Variants in CATSPERB observed in about 807,000 individuals in gnomAD.
CATSPERB encodes cation channel sperm-associated auxiliary subunit beta.
In CATSPERB, 93 loss-of-function variants were observed where a neutral mutation model predicts 128.3. The observed-to-expected ratio is 0.72, with a 90% CI of 0.61 to 0.86. CATSPERB has a LOEUF of 0.86. Ranked by LOEUF, CATSPERB falls within the 40% of genes least tolerant of loss-of-function variation. CATSPERB has a pLI of 0.00. For missense variants in CATSPERB, 1,153 were observed against 1,329.5 expected (o/e 0.87, Z 2.06); for synonymous variants, 381 against 448.8 (o/e 0.85, Z 1.91).
intron 1 of CATSPERB, among the ~76,000 whole-genome samples, chr14:91,731,299 T>G (rs188556876): frequency 1.5e-4 from 23 of 152,348 alleles, no homozygotes; most frequent in African/African-American, 5.3e-4. Context: ...TTTAATTCTT[T>G]GGGGCATAGT....
intron 7 of CATSPERB, among the ~76,000 whole-genome samples, chr14:91,698,741 T>A (rs1895601248): frequency 6.6e-6 from 1 of 152,184 alleles, no homozygotes; most frequent in Non-Finnish European, 1.5e-5. Flanking sequence ...GTACAAGTAG[T>A]TTTTTGTTAC....
intron 7 of CATSPERB, 132 bp downstream of exon 7, chr14:91,704,420 T>C (rs1895702520): frequency 5.8e-6 from 5 of 868,440 alleles, no homozygotes; most frequent in Non-Finnish European, 6.9e-6. Flanking sequence ...TATTGAATAA[T>C]AAATTTTTAG....
At chr14:91,617,038 C>G (rs550027929) in intron 20 of CATSPERB, among the ~76,000 whole-genome samples, 565 of 152,264 alleles carry the variant, frequency 3.7e-3, no homozygotes, top group Non-Finnish European at 6.0e-3. Flanking sequence ...AGCCACCACA[C>G]CCAGCCCATA....
At chr14:91,598,129 A>G (rs943252525) in intron 22 of CATSPERB, among the ~76,000 whole-genome samples, 10 of 151,978 alleles carry the variant, frequency 6.6e-5, no homozygotes, top group African/African-American at 2.2e-4. Flanking sequence ...AATTTACCAC[A>G]GAAGATTCTT....
chr14:91,729,595 A>T, intron 1 of CATSPERB, 116 bp from the exon 2 acceptor site: 1 of 519,154 alleles, frequency 1.9e-6, no homozygotes, highest in Non-Finnish European at 3.4e-6. Context: ...TTAATATTTC[A>T]CACTGTGTGA....
chr14:91,607,874 A>G (rs1704648), intron 22 of CATSPERB, among the ~76,000 whole-genome samples: 99,085 of 151,722 alleles, frequency 0.65, 33,003 homozygotes, highest in Admixed American at 0.76. Flanking sequence ...CCACCTTTAG[A>G]GAGGCAGGGT....
At chr14:91,667,170 C>A (rs1894999050) in intron 14 of CATSPERB, among the ~76,000 whole-genome samples, 1 of 152,220 alleles carries the variant, frequency 6.6e-6, no homozygotes, top group East Asian at 1.9e-4. Context: ...CATGCCCATG[C>A]TGCAATATGG....
At chr14:91,602,228 C>T (rs1251680200) in intron 22 of CATSPERB, among the ~76,000 whole-genome samples, 1 of 152,144 alleles carries the variant, frequency 6.6e-6, no homozygotes, top group Non-Finnish European at 1.5e-5. Context: ...TTTTCCATCA[C>T]AAAACCTCTA....
chr14:91,683,967 C>A, intron 10 of CATSPERB, 24 bp from the exon 11 acceptor site: 1 of 1,478,950 alleles, frequency 6.8e-7, no homozygotes. Flanking sequence ...TAAAATATCA[C>A]TTAGCCAATA....
At chr14:91,629,941 C>T (rs920256358) in intron 17 of CATSPERB, among the ~76,000 whole-genome samples, 1 of 152,112 alleles carries the variant, frequency 6.6e-6, no homozygotes, top group African/African-American at 2.4e-5. Context: ...GGAGAAAACA[C>T]TGCAAAAAGA....
chr14:91,712,896 C>G (rs777759912), intron 5 of CATSPERB, among the ~76,000 whole-genome samples: 1 of 152,178 alleles, frequency 6.6e-6, no homozygotes, highest in Admixed American at 6.5e-5. Context: ...AGAAAACCTA[C>G]GCAGACATGG....
chr14:91,653,214 T>C (rs956177196), intron 15 of CATSPERB, among the ~76,000 whole-genome samples: 2 of 152,308 alleles, frequency 1.3e-5, no homozygotes, highest in African/African-American at 4.8e-5. Context: ...AAATGCTGTG[T>C]GTTAAAAACA....
chr14:91,621,860 T>C lies in CATSPERB; in HGVS notation c.2008A>G (p.Ser670Gly), dbSNP rs1894052893. The C allele has an allele frequency of 1.2e-6, 2 of 1,614,090 alleles. No individual in the cohort carries two copies. Among genetic ancestry groups the C allele is most frequent in the Middle Eastern group, 1.6e-4 (1 of 6,062 alleles). ...AATGCATTCTTATTATCTAAAATGC[T>C]TGTGATGAGGAAGCTGCTGTACCCG... ...LPGYSSFLIT[S>G]ILDNKNALAI... The change falls in exon 19 of 27, where the codon AGC becomes GGC. Residue 670 changes from serine (S) to glycine (G), a missense_variant. Coordinates refer to ENST00000256343, the MANE Select transcript of CATSPERB (RefSeq NM_024764.4).
chr14:91,617,532 A>G, intron 20 of CATSPERB, 65 bp downstream of exon 20: 1 of 1,220,136 alleles, frequency 8.2e-7, no homozygotes. Flanking sequence ...TTAAATATTA[A>G]TAATAGTTGT....
chr14:91,627,596 G>T (rs1231432957), intron 17 of CATSPERB, among the ~76,000 whole-genome samples: 1 of 152,212 alleles, frequency 6.6e-6, no homozygotes, highest in Non-Finnish European at 1.5e-5. Flanking sequence ...ACTGTGGAAG[G>T]TAAATAAATG....
chr14:91,700,138 G>A (rs1427075520), intron 7 of CATSPERB, among the ~76,000 whole-genome samples: 1 of 151,910 alleles, frequency 6.6e-6, no homozygotes, highest in Non-Finnish European at 1.5e-5. Context: ...TATGCCCATA[G>A]GTTCTCATTG....
At chr14:91,660,553 G>C (rs1008402162) in intron 14 of CATSPERB, among the ~76,000 whole-genome samples, 2 of 152,144 alleles carry the variant, frequency 1.3e-5, no homozygotes, top group Non-Finnish European at 2.9e-5. Flanking sequence ...CTTTAGGTAA[G>C]AGTTGTTTGA....
intron 10 of CATSPERB, among the ~76,000 whole-genome samples, chr14:91,690,719 C>T (rs1050625539): frequency 6.6e-6 from 1 of 152,182 alleles, no homozygotes; most frequent in African/African-American, 2.4e-5. Flanking sequence ...ATAAATGTTC[C>T]TTTCTCATAG....
intron 17 of CATSPERB, among the ~76,000 whole-genome samples, chr14:91,626,270 G>C (rs181768402): frequency 6.7e-6 from 1 of 149,536 alleles, no homozygotes; most frequent in African/African-American, 2.5e-5. Flanking sequence ...AAAAAATTAT[G>C]TTAAAATATA....
Sources: gnomAD v4.1 joint callset for allele counts (sites outside exome capture counted in the v4.1 genomes callset) on GRCh38, gnomAD v4.1.1 for gene constraint, MANE v1.5 for transcripts, NCBI Gene and HGNC (gene_info 2026-07-23, HGNC 2026-07-21) for gene names.